BRD1: variants seen among roughly 807,000 people sequenced by gnomAD.
BRD1 encodes bromodomain-containing protein 1.
A neutral mutation model predicts 107.7 loss-of-function variants in BRD1; 24 were observed. That is an observed-to-expected ratio of 0.22 (90% CI 0.16 to 0.31). The LOEUF is 0.31. BRD1 is among the 10% of genes least tolerant of loss of function. The pLI, the probability that BRD1 is intolerant of heterozygous loss-of-function variation, is 1.00. For synonymous variants in BRD1, 744 were observed against 686.1 expected (o/e 1.08, Z -1.32); for missense variants, 1,279 against 1,638.6 (o/e 0.78, Z 3.79).
chr22:49,820,027 G>A (rs1385091846), intron 2 of BRD1, among the ~76,000 whole-genome samples: 1 of 151,900 alleles, frequency 6.6e-6, no homozygotes, highest in Non-Finnish European at 1.5e-5. Context: ...CTACTCAGGA[G>A]GCTGAGGCAG....
intron 7 of BRD1, among the ~76,000 whole-genome samples, chr22:49,788,583 A>G (rs2059373256): frequency 1.3e-5 from 2 of 152,218 alleles, no homozygotes; most frequent in African/African-American, 4.8e-5. Flanking sequence ...GACATTATAA[A>G]AACCGGAAGT....
In BRD1 at chr22:49,799,117, T is replaced by C; in HGVS notation, c.1527A>G (p.Arg509=). Residue 509 remains arginine, a splice_region_variant and synonymous_variant, in exon 4 of 13, where the codon AGA becomes AGG. Coordinates refer to ENST00000404760, the MANE Select transcript of BRD1 (RefSeq NM_001304808.3). ...CAGCCTTCATCTCCTCATCATTTTC[T>C]CTCTGAGAACAGTGAACACTTCCGT... ...SLQSQRSSQQ[R]ENDEEMKAAK... 1 of 1,606,452 alleles carries C rather than the reference T, an allele frequency of 6.2e-7. No homozygotes were observed. The highest frequency in any genetic ancestry group is 8.5e-7 in the Non-Finnish European group (1 of 1,179,692).
At position 49,790,130 on chromosome 22, in the gene BRD1, G is replaced by A. The variant is rs190942021; in HGVS notation, c.2360-2243C>T. ...GTGGTCAGGAACAGAGGTCGCTGTC[G>A]TCTGGGTGCTCAGCCACCTGCCCAG... On this transcript the variant is annotated intron_variant, in intron 7 of 12. Coordinates refer to ENST00000404760, the MANE Select transcript of BRD1 (RefSeq NM_001304808.3). Among the ~76,000 whole-genome samples the A allele has an allele frequency of 1.8e-4, 27 of 152,312 alleles. No homozygotes were observed. In the South Asian group the frequency reaches 1.9e-3, roughly 11 times the overall value.
chr22:49,778,969 T>A (rs1350826009), intron 8 of BRD1, among the ~76,000 whole-genome samples: 3 of 152,210 alleles, frequency 2.0e-5, no homozygotes, highest in Non-Finnish European at 4.4e-5. Context: ...CCATGTGAAT[T>A]TTTTTATCCA....
At chr22:49,781,265 G>A in intron 8 of BRD1, among the ~76,000 whole-genome samples, 1 of 152,326 alleles carries the variant, frequency 6.6e-6, no homozygotes, top group African/African-American at 2.4e-5. Flanking sequence ...GTCCCCGGAA[G>A]CCTGCCCGTC....
In BRD1 at chr22:49,774,513, G is replaced by C. The variant is rs1435380872; in HGVS notation, c.3387-97C>G. ...CTAACAAATTCACTGCCCTCCGATA[G>C]AAAGGGGCCCTGCTCAGCACCACCA... is the stretch of plus-strand genomic sequence containing the variant. On this transcript the variant is annotated intron_variant, in intron 12 of 12. Coordinates refer to ENST00000404760, the MANE Select transcript of BRD1 (RefSeq NM_001304808.3). 4 of 1,346,074 alleles carry C rather than the reference G, an allele frequency of 3.0e-6. No homozygotes were observed. The African/African-American group carries it at 4.4e-5, about 15-fold the overall frequency. 83.4% of individuals were successfully genotyped at this position (1,346,074 alleles called of 1,614,324 possible).
At chr22:49,779,344 G>T (rs1475815016) in intron 8 of BRD1, among the ~76,000 whole-genome samples, 2 of 152,214 alleles carry the variant, frequency 1.3e-5, no homozygotes, top group African/African-American at 4.8e-5. Context: ...TACACTTGCT[G>T]TCTGTTCTCA....
intron 5 of BRD1, 67 bp downstream of exon 5, chr22:49,798,491 G>A (rs201859727): frequency 6.7e-4 from 1,073 of 1,612,716 alleles, no homozygotes; most frequent in Non-Finnish European, 8.1e-4. Context: ...CACGTTTCCC[G>A]GTCAAACGGC....
chr22:49,793,983 G>C, intron 7 of BRD1, 51 bp downstream of exon 7: 2 of 1,573,244 alleles, frequency 1.3e-6, no homozygotes, highest in Non-Finnish European at 1.7e-6. Flanking sequence ...GCCTGTGCCT[G>C]AGCCTGAGCC....
Position 49,823,306 on chromosome 22 carries a change from A to T in BRD1, c.1012T>A (p.Cys338Ser), listed in dbSNP as rs2060104983. The T allele has an allele frequency of 6.2e-7, 1 of 1,614,132 alleles. No individual in the cohort carries two copies. Among genetic ancestry groups the T allele is most frequent in the Non-Finnish European group, 8.5e-7 (1 of 1,180,030 alleles). Residue 338 changes from cysteine to serine, a missense_variant, in exon 2 of 13, where the codon TGC becomes AGC. Transcript: ENST00000404760. ...YLCKQKGVGA[C>S]IQCHKANCYT... is the part of the protein sequence containing the mutation. ...CAGTTTGCTTTGTGGCACTGGATGC[A>T]GGCACCCACGCCCTTCTGCTTACAG...
intron 10 of BRD1, 64 bp from the exon 11 acceptor site, chr22:49,776,223 C>G (rs944312424): frequency 2.5e-5 from 36 of 1,449,916 alleles, no homozygotes; most frequent in Non-Finnish European, 3.4e-5. Context: ...CCCGCCCCCC[C>G]ACAAAAGGTG....
intron 12 of BRD1, 22 bp from the exon 13 acceptor site, chr22:49,774,438 C>T (rs773888001): frequency 4.4e-6 from 7 of 1,595,926 alleles, no homozygotes; most frequent in Middle Eastern, 3.3e-4. Context: ...GAAAAACAAG[C>T]GGAAAATCAT....
Position 49,797,737 on chromosome 22 carries a change from A to G in BRD1, c.2098+68T>C, listed in dbSNP as rs1287258663. 3 of 1,472,694 alleles carry G rather than the reference A, an allele frequency of 2.0e-6. No homozygotes were observed. The African/African-American group carries it at 4.2e-5, about 21-fold the overall frequency. The allele number at this position is 1,472,694 out of a possible 1,614,324, so 91.2% of individuals were successfully genotyped here. On this transcript the variant is annotated intron_variant, in intron 6 of 12. Coordinates refer to ENST00000404760, the MANE Select transcript of BRD1 (RefSeq NM_001304808.3). The stretch of plus-strand genomic sequence containing the variant: ...ACCATGCTGATAGGGAGCTGGCAAC[A>G]CAGAGCAGGACAGAGTCTGCTAGAA...
At position 49,804,378 on chromosome 22, in the gene BRD1, A is replaced by G. The variant is rs377294374; in HGVS notation, c.1368-18T>C. 15 of 1,588,056 alleles carry G rather than the reference A, an allele frequency of 9.4e-6. No homozygotes were observed. In the African/African-American group the frequency reaches 1.9e-4, roughly 20 times the overall value. On this transcript the variant is annotated intron_variant, in intron 2 of 12. Transcript: ENST00000404760. Reference sequence around the variant, plus strand: ...TATTTAACCTAAAACACAAACACTCAGTGTATCTTTGAAGCAGTACATTAA... The same window carrying G: ...TATTTAACCTAAAACACAAACACTCGGTGTATCTTTGAAGCAGTACATTAA...
In BRD1 at chr22:49,776,041, C is replaced by G; in HGVS notation, c.3231+9G>C. ...CTGGACCCGCAGGCGCCACGAGAGC[C>G]GTACTCACCAGTGCCGGGTAGGAGG... On this transcript the variant is annotated intron_variant, in intron 11 of 12. Transcript: ENST00000404760. 6.4e-7 allele frequency: 1 copy of G among 1,550,476 alleles called. No individual in the cohort carries two copies. The highest frequency in any genetic ancestry group is 8.7e-7 in the Non-Finnish European group (1 of 1,152,308).
intron 2 of BRD1, among the ~76,000 whole-genome samples, chr22:49,807,399 G>A (rs892475297): frequency 5.3e-5 from 8 of 152,266 alleles, no homozygotes; most frequent in South Asian, 4.1e-4. Flanking sequence ...AAAACAGTGC[G>A]GTGCTGACGA....
At chr22:49,815,900 G>GTT (rs930984381) in intron 2 of BRD1, among the ~76,000 whole-genome samples, 1 of 152,216 alleles carries the variant, frequency 6.6e-6, no homozygotes, top group Non-Finnish European at 1.5e-5. Flanking sequence ...ACCCGATGCA[G>GTT]GTCAAGCACA....
At chr22:49,826,693 G>C (rs1190498949) in intron 1 of BRD1, among the ~76,000 whole-genome samples, 1 of 152,198 alleles carries the variant, frequency 6.6e-6, no homozygotes, top group East Asian at 1.9e-4. Flanking sequence ...CACTCGGGAC[G>C]GCGCTGGGCC....
chr22:49,793,695 T>C (rs1302677716), intron 7 of BRD1, among the ~76,000 whole-genome samples: 1 of 152,288 alleles, frequency 6.6e-6, no homozygotes, highest in Non-Finnish European at 1.5e-5. Context: ...TCATTCAGGC[T>C]ACCTTTACTC....
Sources: gnomAD v4.1 joint callset for allele counts (sites outside exome capture counted in the v4.1 genomes callset) on GRCh38, gnomAD v4.1.1 for gene constraint, MANE v1.5 for transcripts, NCBI Gene and HGNC (gene_info 2026-07-23, HGNC 2026-07-21) for gene names.